The following FCN1 variants were observed in gnomAD, a reference collection of about 807,000 sequenced individuals.
FCN1 encodes the protein ficolin-1.
Under a neutral mutation model 35.6 loss-of-function variants are expected in FCN1, and 42 were observed. The ratio of observed to expected loss-of-function variants is 1.18; its 90% CI spans 0.92 to 1.53. FCN1 has a LOEUF of 1.53. Ranked by LOEUF, FCN1 falls within the 40% of genes most tolerant of loss-of-function variation. The pLI is 0.00. For missense variants in FCN1, 439 were observed against 428.4 expected (o/e 1.02, Z -0.22); for synonymous variants, 179 against 169.8 (o/e 1.05, Z -0.42).
chr9:134,914,015 G>A (rs1045948603), intron 4 of FCN1, among the ~76,000 whole-genome samples: 1 of 152,208 alleles, frequency 6.6e-6, no homozygotes, highest in Admixed American at 6.5e-5. Context: ...TCAGCCCCCG[G>A]CTCCGGTTTT....
rs529545814 is a variant in FCN1, at chr9:134,908,803, G to A, written c.*995C>T. 7.5e-5 allele frequency: 14 copies of A among 185,754 alleles called. No homozygotes were observed. In the South Asian group the frequency reaches 9.6e-4, roughly 13 times the overall value. The allele number at this position is 185,754 out of a possible 1,614,324, so 11.5% of individuals were successfully genotyped here. ...CAGATCTACTGAGCCAGGAGGTGGC[G>A]AGTTCTTGTTGTTTCAAGCCACTCC... is the stretch of plus-strand genomic sequence containing the variant. On this transcript the variant is annotated 3_prime_UTR_variant, in exon 9 of 9. Transcript: ENST00000371806.
chr9:134,917,558 A>G (rs1831106543), intron 1 of FCN1, among the ~76,000 whole-genome samples: 1 of 152,230 alleles, frequency 6.6e-6, no homozygotes, highest in Non-Finnish European at 1.5e-5. Context: ...CGAGGCAGAC[A>G]GACCTGGTGA....
chr9:134,909,688 G>C lies in FCN1; in HGVS notation c.*110C>G. 1 of 1,595,454 alleles carries C rather than the reference G, an allele frequency of 6.3e-7. No individual in the cohort carries two copies. Among genetic ancestry groups the C allele is most frequent in the Admixed American group, 1.7e-5 (1 of 59,844 alleles). On this transcript the variant is annotated 3_prime_UTR_variant, in exon 9 of 9. Coordinates refer to ENST00000371806, the MANE Select transcript of FCN1 (RefSeq NM_002003.5). Reference sequence around the variant, plus strand: ...GAGCTGGGGGCAAAGGGGCAGCTGTGGGCGTCATGGGAGTGTGTCTGGCTG... The same window carrying C: ...GAGCTGGGGGCAAAGGGGCAGCTGTCGGCGTCATGGGAGTGTGTCTGGCTG...
rs1588654893 is a variant in FCN1 at position 134,909,510 on chromosome 9, A to C, written c.*288T>G. ...CCGACTTACCAAATTCCAGGGAAAG[A>C]CCTGCCGTGCAACAGACACAGGAAA... On this transcript the variant is annotated 3_prime_UTR_variant, in exon 9 of 9. Coordinates refer to ENST00000371806, the MANE Select transcript of FCN1 (RefSeq NM_002003.5). 1 of 1,349,458 alleles carries C rather than the reference A, an allele frequency of 7.4e-7. No homozygotes were observed. The highest frequency in any genetic ancestry group is 9.7e-7 in the Non-Finnish European group (1 of 1,028,092). 83.6% of individuals were successfully genotyped at this position (1,349,458 alleles called of 1,614,324 possible).
chr9:134,911,193 C>G lies in FCN1; in HGVS notation c.673G>C (p.Val225Leu). ...HQFAKYKSFK[V>L]ADEAEKYKLV... The stretch of plus-strand genomic sequence containing the variant: ...TTGTACTTCTCTGCCTCGTCAGCCA[C>G]CTTGAATGATTTGTACTTAGCAAAC... The change falls in exon 8 of 9, where the codon GTG becomes CTG. Residue 225 changes from valine (V) to leucine (L), a missense_variant. Transcript: ENST00000371806. 6.2e-7 allele frequency: 1 copy of G among 1,614,188 alleles called. No individual in the cohort carries two copies. Among genetic ancestry groups the G allele is most frequent in the Non-Finnish European group, 8.5e-7 (1 of 1,180,026 alleles).
In FCN1 at chr9:134,907,311, C is replaced by T. The variant is rs1478317514; in HGVS notation, c.*2487G>A. 1 of 152,192 alleles carries T rather than the reference C, an allele frequency of 6.6e-6. No homozygotes were observed. Among genetic ancestry groups the T allele is most frequent in the Non-Finnish European group, 1.5e-5 (1 of 68,040 alleles). The allele number at this position is 152,192 out of a possible 1,614,324, so 9.4% of individuals were successfully genotyped here. On this transcript the variant is annotated 3_prime_UTR_variant, in exon 9 of 9. Coordinates refer to ENST00000371806, the MANE Select transcript of FCN1 (RefSeq NM_002003.5). ...CCCCAATGGGCTACAAGGACCTCTC[C>T]TTACAGGTATTGAGTCAAGAACACT...
intron 8 of FCN1, 32 bp from the exon 9 acceptor site, chr9:134,910,077 C>T (rs759569276): frequency 1.1e-4 from 179 of 1,600,330 alleles, no homozygotes; most frequent in Non-Finnish European, 1.4e-4. Flanking sequence ...TTTGCAGATG[C>T]TGGAAAAAGC....
At chr9:134,913,267 G>A (rs1269586230) in intron 5 of FCN1, 124 bp from the exon 6 acceptor site, 16 of 1,344,548 alleles carry the variant, frequency 1.2e-5, no homozygotes, top group Non-Finnish European at 1.4e-5. Flanking sequence ...GCAGGACTCC[G>A]AGGCCTGGAC....
In FCN1 at chr9:134,914,790, T is replaced by C; in HGVS notation, c.237A>G (p.Gly79=). The C allele has an allele frequency of 6.2e-7, 1 of 1,612,818 alleles. No homozygotes were observed. The highest frequency in any genetic ancestry group is 8.5e-7 in the Non-Finnish European group (1 of 1,179,318). ...CCACTGGTCCTGCCTTTCCAGGGGCTCCAGGGAGACCGCGTTCTCCTGAAA... is the reference window on the plus strand; with the variant it reads ...CCACTGGTCCTGCCTTTCCAGGGGCCCCAGGGAGACCGCGTTCTCCTGAAA... ...IGERGERGLP[G]APGKAGPVGP... Residue 79 remains glycine, a synonymous_variant, in exon 3 of 9, where the codon GGA becomes GGG. Transcript: ENST00000371806.
At chr9:134,912,645 C>A in intron 6 of FCN1, 30 bp from the exon 7 acceptor site, 3 of 1,613,796 alleles carry the variant, frequency 1.9e-6, no homozygotes, top group Middle Eastern at 1.7e-4. Flanking sequence ...CAGAGTTAGG[C>A]GGGGCAGGCC....
chr9:134,915,689 G>T (rs562860887), intron 2 of FCN1, among the ~76,000 whole-genome samples: 4 of 152,184 alleles, frequency 2.6e-5, no homozygotes, highest in African/African-American at 4.8e-5. Context: ...CAAGTGCTCC[G>T]CAGGCATCAT....
In FCN1 at chr9:134,908,302, T is replaced by G. The variant is rs1422474130; in HGVS notation, c.*1496A>C. ...TGAGCTGCTCTAATTCTTTTATTAT[T>G]TGCAGGAATTCTTTCAGGTATAAGC... On this transcript the variant is annotated 3_prime_UTR_variant, in exon 9 of 9. Transcript: ENST00000371806. 1 of 152,242 alleles carries G rather than the reference T, an allele frequency of 6.6e-6. No individual in the cohort carries two copies. The highest frequency in any genetic ancestry group is 1.5e-5 in the Non-Finnish European group (1 of 68,048). The allele number at this position is 152,242 out of a possible 1,614,324, so 9.4% of individuals were successfully genotyped here.
intron 5 of FCN1, 95 bp downstream of exon 5, chr9:134,913,486 G>T: frequency 1.0e-6 from 1 of 974,038 alleles, no homozygotes; most frequent in Non-Finnish European, 1.6e-6. Context: ...GTGCAGACAG[G>T]GTTCTGTCCT....
chr9:134,906,295 T>C lies in FCN1; in HGVS notation c.*3503A>G, dbSNP rs1830957521. 6.6e-6 allele frequency: 1 copy of C among 152,228 alleles called. No individual in the cohort carries two copies. 9.4% of individuals were successfully genotyped at this position (152,228 alleles called of 1,614,324 possible). On this transcript the variant is annotated 3_prime_UTR_variant, in exon 9 of 9. Coordinates refer to ENST00000371806, the MANE Select transcript of FCN1 (RefSeq NM_002003.5). ...TTCTGAAAGCTACAAATTCAAAAACTCAATTCATCCTGAATATTTTAAGTT... is the reference window on the plus strand; with the variant it reads ...TTCTGAAAGCTACAAATTCAAAAACCCAATTCATCCTGAATATTTTAAGTT...
chr9:134,912,747 TG>T, intron 6 of FCN1, 132 bp from the exon 7 acceptor site: 1 of 1,282,336 alleles, frequency 7.8e-7, no homozygotes, highest in Non-Finnish European at 1.1e-6. Flanking sequence ...CACGCCCATC[TG>T]GTCTCCTCAC....
Position 134,911,212 on chromosome 9 carries a change from A to C in FCN1, c.654T>G (p.Ala218=), listed in dbSNP as rs771201376. Residue 218 remains alanine (A), a synonymous_variant, in exon 8 of 9, where the codon GCT becomes GCG. Coordinates refer to ENST00000371806, the MANE Select transcript of FCN1 (RefSeq NM_002003.5). ...CAGCCACCTTGAATGATTTGTACTT[A>C]GCAAACTGGTGGTTGCCCTCAAAGT... is the stretch of plus-strand genomic sequence containing the variant. The part of the protein sequence containing the change: ...LVDFEGNHQF[A]KYKSFKVADE... The C allele has an allele frequency of 3.1e-6, 5 of 1,614,106 alleles. No individual in the cohort carries two copies. The highest frequency in any genetic ancestry group is 8.5e-7 in the Non-Finnish European group (1 of 1,179,974).
In FCN1 at chr9:134,913,461, AG is replaced by A. The variant is rs11297508; in HGVS notation, c.340+119del. On this transcript the variant is annotated intron_variant, in intron 5 of 8. Transcript: ENST00000371806. ...TAGCTGCCCATTACTCGAGTGATTGAGGGGGGGATGATAGGTGCAGACAGGG... is the reference window on the plus strand; with the variant it reads ...TAGCTGCCCATTACTCGAGTGATTGAGGGGGGATGATAGGTGCAGACAGGG... 15,770 of 762,368 alleles carry A rather than the reference AG, an allele frequency of 0.021. 1,641 individuals are homozygous for A. In the African/African-American group the frequency reaches 0.23, roughly 11 times the overall value. 47.2% of individuals were successfully genotyped at this position (762,368 alleles called of 1,614,324 possible). A position where few individuals can be genotyped will look rare whatever the true frequency, so the allele number is the denominator to read the frequency against.
At position 134,914,422 on chromosome 9, in the gene FCN1, T is replaced by C. The variant is rs753133629; in HGVS notation, c.272-2A>G. On this transcript the variant is annotated splice_acceptor_variant, in intron 3 of 8. Coordinates refer to ENST00000371806, the MANE Select transcript of FCN1 (RefSeq NM_002003.5). LOFTEE classifies it high-confidence loss of function. ...GCATCCCCTTCTCTCCTCGGTCTCC[T>C]GGAGGAAGAGGCAGGATAATGAGCT... 16 of 1,613,778 alleles carry C rather than the reference T, an allele frequency of 9.9e-6. No individual in the cohort carries two copies. The highest frequency in any genetic ancestry group is 1.4e-5 in the Non-Finnish European group (16 of 1,179,776).
Position 134,910,064 on chromosome 9 carries a change from G to A in FCN1, c.734-19C>T. The A allele has an allele frequency of 6.2e-7, 1 of 1,612,044 alleles. No individual in the cohort carries two copies. The highest frequency in any genetic ancestry group is 8.5e-7 in the Non-Finnish European group (1 of 1,178,268). ...GAATTACCTGCTCACAGAAAATGTG[G>A]GGTTTGCAGATGCTGGAAAAAGCCC... On this transcript the variant is annotated intron_variant, in intron 8 of 8. Coordinates refer to ENST00000371806, the MANE Select transcript of FCN1 (RefSeq NM_002003.5).
Sources: allele counts gnomAD v4.1 joint callset (sites outside exome capture counted in the v4.1 genomes callset), GRCh38; gene constraint gnomAD v4.1.1; transcripts MANE v1.5; gene names NCBI Gene and HGNC (gene_info 2026-07-23, HGNC 2026-07-21).